The following OR1J2 variants were observed in gnomAD, a reference collection of about 807,000 sequenced individuals.
The protein encoded by OR1J2 is olfactory receptor 1J2.
For missense variants in OR1J2, 304 were observed against 246.1 expected (o/e 1.24, Z -1.57); for synonymous variants, 142 against 99.7 (o/e 1.42, Z -2.52).
At chr9:122,465,211 G>A in the OR1J2 span, among the ~76,000 whole-genome samples, 5 of 152,058 alleles carry the variant, frequency 3.3e-5, no homozygotes, top group African/African-American at 1.2e-4. Flanking sequence ...AATTTTGCGC[G>A]TCTGGGGAAA....
At chr9:122,488,513 A>T in the OR1J2 span, among the ~76,000 whole-genome samples, 53,100 of 152,036 alleles carry the variant, frequency 0.35, 9,982 homozygotes, top group African/African-American at 0.49. Flanking sequence ...AGGATTAAGA[A>T]CACTTTTCAA....
chr9:122,573,692 T>A, the OR1J2 span, among the ~76,000 whole-genome samples: 1 of 152,228 alleles, frequency 6.6e-6, no homozygotes, highest in Non-Finnish European at 1.5e-5. Context: ...AGTATGTGGC[T>A]TATTTTTTTA....
the OR1J2 span, among the ~76,000 whole-genome samples, chr9:122,552,393 A>C: frequency 6.6e-6 from 1 of 152,200 alleles, no homozygotes; most frequent in East Asian, 1.9e-4. Flanking sequence ...AATGTAGTAC[A>C]AATGTAGGGG....
chr9:122,527,793 C>T, the OR1J2 span, among the ~76,000 whole-genome samples: 25 of 152,178 alleles, frequency 1.6e-4, no homozygotes, highest in South Asian at 1.0e-3. Flanking sequence ...TGCATTTCTC[C>T]CTGCATTTGA....
chr9:122,474,460 G>A, the OR1J2 span, among the ~76,000 whole-genome samples: 2 of 152,126 alleles, frequency 1.3e-5, no homozygotes, highest in Admixed American at 1.3e-4. Flanking sequence ...GTCTATCCCA[G>A]CACCAAAGGA....
the OR1J2 span, chr9:122,526,501 A>C: frequency 6.3e-7 from 1 of 1,586,616 alleles, no homozygotes; most frequent in South Asian, 1.2e-5. Flanking sequence ...TTCTCTTCAG[A>C]GGCAATGGAG....
At chr9:122,553,136 T>C in the OR1J2 span, 11 of 1,503,164 alleles carry the variant, frequency 7.3e-6, no homozygotes, top group Non-Finnish European at 9.1e-6. Flanking sequence ...CAGATGCATA[T>C]CTGTAAATTG....
At chr9:122,456,459 T>G in the OR1J2 span, among the ~76,000 whole-genome samples, 26,804 of 152,180 alleles carry the variant, frequency 0.18, 2,763 homozygotes, top group African/African-American at 0.27. Context: ...TTTTCTTATT[T>G]TATCTTATCT....
chr9:122,547,263 T>G, the OR1J2 span, among the ~76,000 whole-genome samples: 1 of 152,220 alleles, frequency 6.6e-6, no homozygotes, highest in Non-Finnish European at 1.5e-5. Context: ...GCAAATATAT[T>G]AACAGGACAT....
the OR1J2 span, among the ~76,000 whole-genome samples, chr9:122,465,532 A>G: frequency 5.3e-5 from 8 of 152,190 alleles, no homozygotes; most frequent in African/African-American, 1.2e-4. Context: ...TGGATCCTCA[A>G]TGGTCATACT....
At chr9:122,497,640 A>G in the OR1J2 span, among the ~76,000 whole-genome samples, 1 of 151,842 alleles carries the variant, frequency 6.6e-6, no homozygotes, top group Non-Finnish European at 1.5e-5. Context: ...TATTATTTGT[A>G]TGCATTTTTG....
chr9:122,558,193 C>T, the OR1J2 span, among the ~76,000 whole-genome samples: 1 of 19,646 alleles, frequency 5.1e-5, no homozygotes, highest in Non-Finnish European at 8.8e-5. Flanking sequence ...TAATAATGTC[C>T]TATTGTCCTA....
chr9:122,548,875 G>T, the OR1J2 span, among the ~76,000 whole-genome samples: 5 of 151,416 alleles, frequency 3.3e-5, no homozygotes, highest in African/African-American at 4.9e-5. Flanking sequence ...TTAGTCTTCT[G>T]TCAGATGCAT....
chr9:122,561,613 G>T, the OR1J2 span, among the ~76,000 whole-genome samples: 65 of 152,106 alleles, frequency 4.3e-4, no homozygotes, highest in African/African-American at 1.4e-3. Flanking sequence ...GCTGTGGTTT[G>T]CTGGGGGTTC....
the OR1J2 span, among the ~76,000 whole-genome samples, chr9:122,503,020 G>C: frequency 2.0e-5 from 3 of 152,318 alleles, no homozygotes; most frequent in African/African-American, 7.2e-5. Context: ...TCATCTACAG[G>C]TGGTTGCCTT....
At chr9:122,500,312 T>C in the OR1J2 span, among the ~76,000 whole-genome samples, 1 of 152,144 alleles carries the variant, frequency 6.6e-6, no homozygotes, top group Non-Finnish European at 1.5e-5. Context: ...CTCCAGTGGA[T>C]AGGGGAGTCA....
the OR1J2 span, among the ~76,000 whole-genome samples, chr9:122,454,063 G>A: frequency 5.3e-5 from 8 of 152,288 alleles, no homozygotes; most frequent in African/African-American, 1.4e-4. Flanking sequence ...TCCAAATCTC[G>A]TACATAAGGT....
the OR1J2 span, among the ~76,000 whole-genome samples, chr9:122,469,327 G>A: frequency 1.3e-5 from 2 of 152,182 alleles, no homozygotes; most frequent in Non-Finnish European, 2.9e-5. Flanking sequence ...CGTTCTCATG[G>A]TAGTGAGTAA....
the OR1J2 span, among the ~76,000 whole-genome samples, chr9:122,504,116 C>T: frequency 5.3e-5 from 8 of 152,166 alleles, no homozygotes; most frequent in Non-Finnish European, 8.8e-5. Flanking sequence ...TACTAAGGCC[C>T]CATGCCAAAT....
Sources: gnomAD v4.1 joint callset for allele counts (sites outside exome capture counted in the v4.1 genomes callset) on GRCh38, gnomAD v4.1.1 for gene constraint, MANE v1.5 for transcripts, NCBI Gene and HGNC (gene_info 2026-07-23, HGNC 2026-07-21) for gene names.